RGS7: variants seen among roughly 807,000 people sequenced by gnomAD.
The protein encoded by RGS7 is regulator of G protein signaling 7.
Under a neutral mutation model 81.1 loss-of-function variants are expected in RGS7, and 27 were observed. The observed-to-expected ratio is 0.33, with a 90% CI of 0.25 to 0.46. The LOEUF is 0.46. RGS7 is among the 20% of genes least tolerant of loss of function. The pLI is 1.00. For missense variants in RGS7, 396 were observed against 607.4 expected, an observed-to-expected ratio of 0.65 and a Z score of 3.66; for synonymous variants, 208 against 207.7, an observed-to-expected ratio of 1.00 and a Z score of -0.01.
intron 3 of RGS7, among the ~76,000 whole-genome samples, chr1:241,039,187 C>T (rs1159060733): frequency 1.3e-5 from 2 of 152,128 alleles, no homozygotes; most frequent in East Asian, 1.9e-4. Context: ...TCTGTAGTTG[C>T]ATTGGTCCAG....
At chr1:241,356,234 G>T (rs895280646) in intron 1 of RGS7, among the ~76,000 whole-genome samples, 1 of 151,938 alleles carries the variant, frequency 6.6e-6, no homozygotes, top group Non-Finnish European at 1.5e-5. Context: ...GTGGGGGAGT[G>T]GGGGGCGGGT....
At chr1:241,070,015 GCAGGTTT>G (rs1419224660) in intron 3 of RGS7, among the ~76,000 whole-genome samples, 2 of 152,142 alleles carry the variant, frequency 1.3e-5, no homozygotes, top group Non-Finnish European at 2.9e-5. Flanking sequence ...CACAAGTTAG[GCAGGTTT>G]CAAAGAGGTT....
chr1:241,258,819 T>C (rs544212479), intron 2 of RGS7, among the ~76,000 whole-genome samples: 2 of 152,348 alleles, frequency 1.3e-5, no homozygotes, highest in African/African-American at 4.8e-5. Flanking sequence ...AGGAAACTTT[T>C]CTACGCCAAC....
At chr1:240,852,627 C>A (rs1159933742) in intron 9 of RGS7, among the ~76,000 whole-genome samples, 1 of 152,138 alleles carries the variant, frequency 6.6e-6, no homozygotes, top group Non-Finnish European at 1.5e-5. Flanking sequence ...TACTGCCCAT[C>A]TTTTTCCCCA....
chr1:241,237,629 T>A (rs1039211107), intron 2 of RGS7, among the ~76,000 whole-genome samples: 2 of 152,138 alleles, frequency 1.3e-5, no homozygotes, highest in Admixed American at 6.5e-5. Flanking sequence ...CCATTTAATT[T>A]AAAAAAATAA....
chr1:241,221,036 AG>A (rs759621454), intron 2 of RGS7, among the ~76,000 whole-genome samples: 1 of 116,732 alleles, frequency 8.6e-6, no homozygotes, highest in Non-Finnish European at 1.9e-5. Context: ...GAAGGAAGGA[AG>A]GAAAAGAAAG....
chr1:241,347,447 G>A (rs2148724062), intron 2 of RGS7, among the ~76,000 whole-genome samples: 1 of 152,286 alleles, frequency 6.6e-6, no homozygotes, highest in South Asian at 2.1e-4. Flanking sequence ...TTAGACAAGA[G>A]AAGAGAGATT....
chr1:241,199,645 G>A (rs1187359669), intron 2 of RGS7, among the ~76,000 whole-genome samples: 1 of 147,844 alleles, frequency 6.8e-6, no homozygotes, highest in Non-Finnish European at 1.5e-5. Flanking sequence ...AATGACAGAA[G>A]TCTAGTCCTC....
At chr1:240,996,713 G>T (rs574384231) in intron 3 of RGS7, among the ~76,000 whole-genome samples, 25 of 152,080 alleles carry the variant, frequency 1.6e-4, no homozygotes, top group African/African-American at 5.8e-4. Flanking sequence ...AAGTTTCTTG[G>T]GGATAGCATG....
intron 3 of RGS7, among the ~76,000 whole-genome samples, chr1:241,081,470 T>C (rs926998492): frequency 6.6e-6 from 1 of 152,260 alleles, no homozygotes; most frequent in Non-Finnish European, 1.5e-5. Flanking sequence ...TCCCAAACAC[T>C]GCCATGGAGA....
intron 2 of RGS7, among the ~76,000 whole-genome samples, chr1:241,307,794 C>CTGAA (rs375942224): frequency 1.4e-4 from 21 of 149,522 alleles, no homozygotes; most frequent in South Asian, 6.2e-4. Flanking sequence ...GAATGAATGA[C>CTGAA]TGAATGAATG....
intron 3 of RGS7, among the ~76,000 whole-genome samples, chr1:240,984,019 G>T (rs1428151248): frequency 6.6e-6 from 1 of 152,022 alleles, no homozygotes; most frequent in East Asian, 1.9e-4. Flanking sequence ...TTGCTGAAGG[G>T]GCCTACGTAA....
chr1:241,249,417 T>C (rs551132288), intron 2 of RGS7, among the ~76,000 whole-genome samples: 3 of 152,158 alleles, frequency 2.0e-5, no homozygotes, highest in African/African-American at 4.8e-5. Flanking sequence ...TCTAGACTAC[T>C]GTTCCCTTGA....
intron 4 of RGS7, among the ~76,000 whole-genome samples, chr1:240,973,783 G>A (rs1469071928): frequency 4.0e-5 from 6 of 151,632 alleles, no homozygotes; most frequent in African/African-American, 1.2e-4. Context: ...CAGTAGAGAC[G>A]GGGTTTCACC....
At chr1:241,019,710 C>G (rs1027640170) in intron 3 of RGS7, among the ~76,000 whole-genome samples, 1 of 152,184 alleles carries the variant, frequency 6.6e-6, no homozygotes, top group Non-Finnish European at 1.5e-5. Flanking sequence ...TGGCTGCATA[C>G]TATTCTATGG....
At chr1:240,825,218 A>C (rs1398963600) in intron 10 of RGS7, among the ~76,000 whole-genome samples, 2 of 152,222 alleles carry the variant, frequency 1.3e-5, no homozygotes, top group Non-Finnish European at 2.9e-5. Flanking sequence ...TGGAGTACCT[A>C]AAGCCCAGGA....
rs916398485 is a variant in RGS7, at chr1:241,163,061, C to T, written c.79-64299G>A. Reference sequence around the variant, plus strand: ...CACTACATAAACTATATAATAGGGGCAGATATGAGCAGTGTCAGATTAAGC... The same window carrying T: ...CACTACATAAACTATATAATAGGGGTAGATATGAGCAGTGTCAGATTAAGC... On this transcript the variant is annotated intron_variant, in intron 2 of 18. Coordinates refer to ENST00000440928, the MANE Select transcript of RGS7 (RefSeq NM_001364886.1). The surrounding 1 kb of genome is among the most constrained non-coding windows in gnomAD (Gnocchi z 4.6). 2.0e-5 allele frequency among the ~76,000 whole-genome samples: 3 copies of T among 152,084 alleles called. No homozygotes were observed. The highest frequency in any genetic ancestry group is 7.2e-5 in the African/African-American group (3 of 41,418).
chr1:241,248,239 A>G (rs951423772), intron 2 of RGS7, among the ~76,000 whole-genome samples: 3 of 151,744 alleles, frequency 2.0e-5, no homozygotes, highest in Admixed American at 6.6e-5. Context: ...AGTGTTTGCA[A>G]TGATGTGTAT....
chr1:240,970,480 G>T (rs555608456), intron 4 of RGS7, among the ~76,000 whole-genome samples: 1 of 152,284 alleles, frequency 6.6e-6, no homozygotes, highest in East Asian at 1.9e-4. Flanking sequence ...AAATAAGGTG[G>T]GGAGTAAAAG....
Sources: allele counts gnomAD v4.1 joint callset (sites outside exome capture counted in the v4.1 genomes callset), GRCh38; gene constraint gnomAD v4.1.1; non-coding constraint Gnocchi (gnomAD v3.1); transcripts MANE v1.5; gene names NCBI Gene and HGNC (gene_info 2026-07-23, HGNC 2026-07-21).